ZNF518B: variants seen among roughly 807,000 people sequenced by gnomAD.
ZNF518B encodes zinc finger protein 518B.
Under a neutral mutation model 56.3 loss-of-function variants are expected in ZNF518B, and 23 were observed. The ratio of observed to expected loss-of-function variants is 0.41; its 90% CI spans 0.29 to 0.58. ZNF518B has a LOEUF of 0.58. Ranked by LOEUF, ZNF518B falls within the 20% of genes least tolerant of loss-of-function variation. The probability of loss-of-function intolerance (pLI) is 0.32; values close to 1 mark genes in which losing one functional copy is unlikely to be tolerated. For synonymous variants in ZNF518B, 529 were observed against 465.9 expected, an observed-to-expected ratio of 1.14 and a Z score of -1.74; for missense variants, 1,460 against 1,272.1, an observed-to-expected ratio of 1.15 and a Z score of -2.25.
upstream of ZNF518B, among the ~76,000 whole-genome samples, chr4:10,459,413 T>C (rs1270768853): frequency 1.3e-5 from 2 of 152,236 alleles, no homozygotes; most frequent in Admixed American, 1.3e-4. Flanking sequence ...TCATGTCTTC[T>C]TCTCCACCCC....
At chr4:10,455,316 G>T (rs1715483012) in intron 1 of ZNF518B, among the ~76,000 whole-genome samples, 1 of 152,208 alleles carries the variant, frequency 6.6e-6, no homozygotes, top group Non-Finnish European at 1.5e-5. Flanking sequence ...CCTGGAAATT[G>T]CAGTTAGCTG....
At position 10,440,152 on chromosome 4, in the gene ZNF518B, G is replaced by C. The variant is rs1714607355; in HGVS notation, c.*2952C>G. The C allele has an allele frequency of 6.6e-6, 1 of 152,338 alleles. No homozygotes were observed. The highest frequency in any genetic ancestry group is 2.4e-5 in the African/African-American group (1 of 41,430). The allele number at this position is 152,338 out of a possible 1,614,324, so 9.4% of individuals were successfully genotyped here. A position where few individuals can be genotyped will look rare whatever the true frequency, so the allele number is the denominator to read the frequency against. ...CATGTCCTAAAGAAAAAGGGATGGA[G>C]CTTGTGAGAAAATATATTTTGTTCA... On this transcript the variant is annotated 3_prime_UTR_variant, in exon 3 of 3. Transcript: ENST00000326756.
Position 10,443,734 on chromosome 4 carries a change from A to G in ZNF518B, c.2595T>C (p.Tyr865=), listed in dbSNP as rs1714799977. 6.8e-6 allele frequency: 11 copies of G among 1,614,198 alleles called. No homozygotes were observed. Among genetic ancestry groups the G allele is most frequent in the Non-Finnish European group, 9.3e-6 (11 of 1,180,038 alleles). Reference sequence around the variant, plus strand: ...TTAATTCACTGCTTCCTTGCTGTCCATACAAGAGGCCAGTTTTTCTATGGA... The same window carrying G: ...TTAATTCACTGCTTCCTTGCTGTCCGTACAAGAGGCCAGTTTTTCTATGGA... ...STIHRKTGLL[Y]GQQGSSELNK... The change falls in exon 3 of 3, where the codon TAT becomes TAC. Residue 865 remains tyrosine, a synonymous_variant. Coordinates refer to ENST00000326756, the MANE Select transcript of ZNF518B (RefSeq NM_053042.3).
chr4:10,449,982 T>C (rs745680682), intron 2 of ZNF518B, among the ~76,000 whole-genome samples: 1 of 152,218 alleles, frequency 6.6e-6, no homozygotes, highest in Non-Finnish European at 1.5e-5. Context: ...GTATCATTTA[T>C]TCTAAAACTA....
At chr4:10,459,173 TTATCACAGTCCC>T (rs763183681), upstream of ZNF518B, among the ~76,000 whole-genome samples, 5 of 152,164 alleles carry the variant, frequency 3.3e-5, no homozygotes, top group African/African-American at 4.8e-5. Flanking sequence ...AAGTCAGGAC[TTATCACAGTCCC>T]TGGCAGATAG....
chr4:10,460,536 A>G (rs945477791), upstream of ZNF518B, among the ~76,000 whole-genome samples: 5 of 152,022 alleles, frequency 3.3e-5, no homozygotes, highest in African/African-American at 1.2e-4. Flanking sequence ...AGAACAGGGG[A>G]GAGGAGAGCA....
upstream of ZNF518B, chr4:10,457,540 G>C (rs1344831273): frequency 6.6e-6 from 1 of 152,396 alleles, no homozygotes; most frequent in African/African-American, 2.4e-5. Context: ...TGTCCAGAGC[G>C]GGGAGCCTCA....
Position 10,444,811 on chromosome 4 carries a change from T to C in ZNF518B, c.1518A>G (p.Pro506=), listed in dbSNP as rs764475893. The stretch of plus-strand genomic sequence containing the variant: ...CAGCAAAACAAACAGCAGCTTTATA[T>C]GGAAAAGGGTTTGATGCAGCTCCAA... ...RSLGAASNPF[P]YKAAVCFAES... The change falls in exon 3 of 3, where the codon CCA becomes CCG. Residue 506 remains proline, a synonymous_variant. Coordinates refer to ENST00000326756, the MANE Select transcript of ZNF518B (RefSeq NM_053042.3). The C allele has an allele frequency of 5.6e-6, 9 of 1,613,900 alleles. No homozygotes were observed. The African/African-American group carries it at 9.3e-5, about 17-fold the overall frequency.
In ZNF518B at chr4:10,444,633, C is replaced by T. The variant is rs775135481; in HGVS notation, c.1696G>A (p.Val566Ile). The T allele has an allele frequency of 1.9e-6, 3 of 1,614,186 alleles. No individual in the cohort carries two copies. Among genetic ancestry groups the T allele is most frequent in the South Asian group, 2.2e-5 (2 of 91,078 alleles). Residue 566 changes from valine to isoleucine, a missense_variant, in exon 3 of 3, where the codon GTT becomes ATT. Val to Ile is a conservative substitution (Grantham distance 29). Transcript: ENST00000326756. ...TCTTCCTGCTTCCTATTAGAGGAAA[C>T]CACTTTTACAGGAATATTGACTTTA... ...TSKVNIPVKV[V>I]SSNRKQEDNQ...
At chr4:10,460,840 G>C (rs1263709284), upstream of ZNF518B, among the ~76,000 whole-genome samples, 2 of 152,186 alleles carry the variant, frequency 1.3e-5, no homozygotes, top group African/African-American at 2.4e-5. Flanking sequence ...AAAAGGGCCA[G>C]GTCTTTAACA....
At chr4:10,456,584 G>C (rs1327143788) in intron 1 of ZNF518B, among the ~76,000 whole-genome samples, 4 of 152,138 alleles carry the variant, frequency 2.6e-5, no homozygotes, top group African/African-American at 7.2e-5. Context: ...ATGCCAGGCT[G>C]GTTTTCGAGT....
In ZNF518B at chr4:10,446,013, T is replaced by G. The variant is rs772523695; in HGVS notation, c.316A>C (p.Ser106Arg). 6.2e-7 allele frequency: 1 copy of G among 1,614,178 alleles called. No individual in the cohort carries two copies. Among genetic ancestry groups the G allele is most frequent in the Non-Finnish European group, 8.5e-7 (1 of 1,180,038 alleles). ...PNFHFVSNNS[S>R]ATHVGNKTEN... ...GTTTTATTTCCAACATGAGTCGCAC[T>G]GGAATTATTGCTCACAAAATGAAAA... Residue 106 changes from serine to arginine, a missense_variant, in exon 3 of 3, where the codon AGT becomes CGT. Coordinates refer to ENST00000326756, the MANE Select transcript of ZNF518B (RefSeq NM_053042.3).
Position 10,446,446 on chromosome 4 carries a change from G to A in ZNF518B, c.-118C>T. Reference sequence around the variant, plus strand: ...GGGTAGGGGCGCAGCTACTTCTTGGGTGCATACTTAATTATCTTTCTTTAT... The same window carrying A: ...GGGTAGGGGCGCAGCTACTTCTTGGATGCATACTTAATTATCTTTCTTTAT... On this transcript the variant is annotated 5_prime_UTR_variant, in exon 3 of 3. Coordinates refer to ENST00000326756, the MANE Select transcript of ZNF518B (RefSeq NM_053042.3). 1.1e-6 allele frequency: 1 copy of A among 922,954 alleles called. No homozygotes were observed. The allele number at this position is 922,954 out of a possible 1,614,324, so 57.2% of individuals were successfully genotyped here.
rs374661142 is a variant in ZNF518B, at chr4:10,444,642, C to A, written c.1687G>T (p.Val563Leu). 16 of 1,614,080 alleles carry A rather than the reference C, an allele frequency of 9.9e-6. No homozygotes were observed. The highest frequency in any genetic ancestry group is 1.3e-5 in the Non-Finnish European group (15 of 1,180,042). The change falls in exon 3 of 3, where the codon GTA becomes TTA. Residue 563 changes from valine to leucine, a missense_variant. Val to Leu is a conservative substitution (Grantham distance 32). Coordinates refer to ENST00000326756, the MANE Select transcript of ZNF518B (RefSeq NM_053042.3). Reference protein sequence around the residue: ...LESTSKVNIPVKVVSSNRKQE... With the variant: ...LESTSKVNIPLKVVSSNRKQE... The stretch of plus-strand genomic sequence containing the variant: ...TTCCTATTAGAGGAAACCACTTTTA[C>A]AGGAATATTGACTTTACTTGTAGAT...
At chr4:10,458,482 A>T (rs1420645881), upstream of ZNF518B, among the ~76,000 whole-genome samples, 1 of 152,172 alleles carries the variant, frequency 6.6e-6, no homozygotes, top group Non-Finnish European at 1.5e-5. Flanking sequence ...GAGTTGAAGA[A>T]GACAGGCTCA....
intron 1 of ZNF518B, among the ~76,000 whole-genome samples, chr4:10,455,839 T>C (rs1381722978): frequency 6.6e-6 from 1 of 152,156 alleles, no homozygotes; most frequent in African/African-American, 2.4e-5. Flanking sequence ...GCATCCTAGT[T>C]AAAGATATCA....
In ZNF518B at chr4:10,444,899, G is replaced by A. The variant is rs1279322957; in HGVS notation, c.1430C>T (p.Pro477Leu). Residue 477 changes from proline (P) to leucine (L), a missense_variant, in exon 3 of 3, where the codon CCT becomes CTT. Transcript: ENST00000326756. ...NNLYPHRTAFPSVALKGHSLA... is the reference protein window; with the variant it reads ...NNLYPHRTAFLSVALKGHSLA... ...AGAATGACCTTTTAAGGCAACGGAAGGAAAAGCAGTTCTATGTGGATACAA... is the reference window on the plus strand; with the variant it reads ...AGAATGACCTTTTAAGGCAACGGAAAGAAAAGCAGTTCTATGTGGATACAA... 1.2e-6 allele frequency: 2 copies of A among 1,611,996 alleles called. No homozygotes were observed. The highest frequency in any genetic ancestry group is 1.1e-5 in the South Asian group (1 of 90,834).
rs1198871493 is a variant in ZNF518B at position 10,443,119 on chromosome 4, G to A, written c.3210C>T (p.Ser1070=). The change falls in exon 3 of 3, where the codon TCC becomes TCT. Residue 1070 remains serine, a synonymous_variant. Transcript: ENST00000326756. ...AACTGTTTACTTATTTGCCCTTGGA[G>A]GAAAGAACATCCCAATCTCTAGTTG... ...IEATRDWDVL[S]SKGK 2.5e-6 allele frequency: 4 copies of A among 1,611,900 alleles called. No homozygotes were observed. Among genetic ancestry groups the A allele is most frequent in the East Asian group, 2.2e-5 (1 of 44,862 alleles).
rs1460844220 is a variant in ZNF518B at position 10,446,058 on chromosome 4, G to T, written c.271C>A (p.Leu91Ile). The part of the protein sequence containing the change: ...DGMYVCFQCS[L>I]GAAPPNFHFV... ...TGAAAATTGGGAGGAGCTGCACCGA[G>T]GCTGCACTGGAAGCAGACATACATA... The change falls in exon 3 of 3, where the codon CTC becomes ATC. Residue 91 changes from leucine to isoleucine, a missense_variant. By Grantham distance (5) the Leu-to-Ile change is conservative. Transcript: ENST00000326756. 1.9e-6 allele frequency: 3 copies of T among 1,614,102 alleles called. No homozygotes were observed. In the South Asian group the frequency reaches 3.3e-5, roughly 18 times the overall value.
Sources: allele counts gnomAD v4.1 joint callset (sites outside exome capture counted in the v4.1 genomes callset), GRCh38; gene constraint gnomAD v4.1.1; transcripts MANE v1.5; gene names NCBI Gene and HGNC (gene_info 2026-07-23, HGNC 2026-07-21).